YWHAZ: variants seen among roughly 807,000 people sequenced by gnomAD.
The protein encoded by YWHAZ is tyrosine 3-monooxygenase/tryptophan 5-monooxygenase activation protein zeta.
For synonymous variants in YWHAZ, 87 were observed against 103.6 expected, an observed-to-expected ratio of 0.84 and a Z score of 0.97; for missense variants, 79 against 284.8, an observed-to-expected ratio of 0.28 and a Z score of 5.20.
Position 100,918,442 on chromosome 8 carries a change from ATAAT to A in YWHAZ, c.*2247_*2250del, listed in dbSNP as rs1295386375. Reference sequence around the variant, plus strand: ...TATATATATATATATATATATATATATAATTATTTTACCTCCTTGGCTTGGGGGT... The same window carrying A: ...TATATATATATATATATATATATATATATTTTACCTCCTTGGCTTGGGGGT... On this transcript the variant is annotated 3_prime_UTR_variant, in exon 6 of 6. Coordinates refer to ENST00000395958, the MANE Select transcript of YWHAZ (RefSeq NM_145690.3). 8.6e-6 allele frequency: 1 copy of A among 115,922 alleles called. No homozygotes were observed. Among genetic ancestry groups the A allele is most frequent in the Non-Finnish European group, 1.8e-5 (1 of 56,648 alleles). 7.2% of individuals were successfully genotyped at this position (115,922 alleles called of 1,614,324 possible).
upstream of YWHAZ, chr8:100,952,195 C>A: frequency 3.1e-6 from 3 of 980,498 alleles, no homozygotes; most frequent in Non-Finnish European, 3.6e-6. Flanking sequence ...CCCCGGCGCT[C>A]GTCCTGCCCG....
At position 100,951,507 on chromosome 8, in the gene YWHAZ, G is replaced by A. The variant is rs1810779598; in HGVS notation, c.-12+422C>T. ...CCGCCGCCGAGTCATTATCTCGGGC[G>A]GAAGCGAGAAGGGCGGCGAGGGAGG... On this transcript the variant is annotated intron_variant, in intron 1 of 5. Transcript: ENST00000395958. 15 of 985,660 alleles carry A rather than the reference G, an allele frequency of 1.5e-5. No homozygotes were observed. The South Asian group carries it at 3.8e-4, about 25-fold the overall frequency. 61.1% of individuals were successfully genotyped at this position (985,660 alleles called of 1,614,324 possible). A position where few individuals can be genotyped will look rare whatever the true frequency, so the allele number is the denominator to read the frequency against.
chr8:100,947,096 A>G (rs943482946), intron 2 of YWHAZ, among the ~76,000 whole-genome samples: 2 of 151,456 alleles, frequency 1.3e-5, no homozygotes, highest in Non-Finnish European at 2.9e-5. Flanking sequence ...TACTAAAAAT[A>G]CAAAAAAATT....
chr8:100,920,691 G>A lies in YWHAZ; in HGVS notation c.*2C>T, dbSNP rs202185783. On this transcript the variant is annotated 3_prime_UTR_variant, in exon 6 of 6. Coordinates refer to ENST00000395958, the MANE Select transcript of YWHAZ (RefSeq NM_145690.3). ...TGAGGCAGACAAAAGTTGGAAGGCC[G>A]GTTAATTTTCCCCTCCTTCTCCTGC... 20 of 1,586,482 alleles carry A rather than the reference G, an allele frequency of 1.3e-5. No homozygotes were observed. Among genetic ancestry groups the A allele is most frequent in the East Asian group, 2.3e-5 (1 of 43,240 alleles).
chr8:100,951,441 A>T (rs1186956770), intron 1 of YWHAZ: 1 of 979,974 alleles, frequency 1.0e-6, no homozygotes, highest in African/African-American at 1.8e-5. Context: ...GGGAGAGGGG[A>T]GGGGGCGGCC....
chr8:100,923,867 G>C (rs1755587102), intron 5 of YWHAZ, 88 bp downstream of exon 5: 2 of 1,046,874 alleles, frequency 1.9e-6, no homozygotes, highest in Non-Finnish European at 2.7e-6. Flanking sequence ...AATTTTAAAA[G>C]ATGTATTTAA....
In YWHAZ at chr8:100,936,677, T is replaced by C. The variant is rs963672403; in HGVS notation, c.295-11638A>G. 2.6e-5 allele frequency among the ~76,000 whole-genome samples: 4 copies of C among 152,080 alleles called. No homozygotes were observed. The South Asian group carries it at 6.2e-4, about 24-fold the overall frequency. ...TTAGCCAGGCATGGTGGCGGGTGCC[T>C]GTAATTCCAGCTACTGGGGAGGCTG... On this transcript the variant is annotated intron_variant, in intron 2 of 5. Coordinates refer to ENST00000395958, the MANE Select transcript of YWHAZ (RefSeq NM_145690.3).
At chr8:100,933,180 G>C (rs187432720) in intron 2 of YWHAZ, among the ~76,000 whole-genome samples, 1 of 152,248 alleles carries the variant, frequency 6.6e-6, no homozygotes, top group Non-Finnish European at 1.5e-5. Context: ...CCAAGATGGT[G>C]AAAGCCTGTC....
intron 2 of YWHAZ, among the ~76,000 whole-genome samples, chr8:100,945,939 A>C (rs1481884597): frequency 1.3e-5 from 2 of 152,072 alleles, no homozygotes. Flanking sequence ...ACTAAGTCTT[A>C]CTCCTGAAAA....
At chr8:100,943,765 T>C (rs1810046837) in intron 2 of YWHAZ, among the ~76,000 whole-genome samples, 1 of 152,072 alleles carries the variant, frequency 6.6e-6, no homozygotes, top group Non-Finnish European at 1.5e-5. Context: ...GGCAGGTGGA[T>C]CACGAGGTCA....
chr8:100,950,664 G>C lies in YWHAZ; in HGVS notation c.-12+1265C>G, dbSNP rs940293746. On this transcript the variant is annotated intron_variant, in intron 1 of 5. Coordinates refer to ENST00000395958, the MANE Select transcript of YWHAZ (RefSeq NM_145690.3). ...GCGCCCCCGCCCAAGCCGTGGGGGGGGGGGAGAGATGGGGAGCGAAGCCGC... is the reference window on the plus strand; with the variant it reads ...GCGCCCCCGCCCAAGCCGTGGGGGGCGGGGAGAGATGGGGAGCGAAGCCGC... 47 of 909,298 alleles carry C rather than the reference G, an allele frequency of 5.2e-5. 3 individuals carry two copies. The highest frequency in any genetic ancestry group is 4.7e-4 in the East Asian group (4 of 8,442). 56.3% of individuals were successfully genotyped at this position (909,298 alleles called of 1,614,324 possible).
chr8:100,943,947 A>G (rs1015479355), intron 2 of YWHAZ, among the ~76,000 whole-genome samples: 6 of 142,308 alleles, frequency 4.2e-5, no homozygotes, highest in Non-Finnish European at 6.0e-5. Flanking sequence ...AGATCGTTCC[A>G]TTGCACTCCA....
chr8:100,951,721 C>A, intron 1 of YWHAZ: 1 of 985,428 alleles, frequency 1.0e-6, no homozygotes, highest in Non-Finnish European at 1.2e-6. Flanking sequence ...GATGCGGAAG[C>A]AAGGAGCCGG....
chr8:100,920,780 C>G, intron 5 of YWHAZ, 28 bp from the exon 6 acceptor site: 1 of 677,240 alleles, frequency 1.5e-6, no homozygotes, highest in East Asian at 5.8e-5. Flanking sequence ...GATTTTTCAG[C>G]AAGTTTCAGT....
At chr8:100,951,047 T>TC (rs1352687371) in intron 1 of YWHAZ, 8 of 74,736 alleles carry the variant, frequency 1.1e-4, no homozygotes, top group Non-Finnish European at 6.1e-5. Flanking sequence ...CGTCCACACC[T>TC]CCCCCGCCCG....
At chr8:100,950,691 C>T (rs1261088670) in intron 1 of YWHAZ, 7 of 781,768 alleles carry the variant, frequency 9.0e-6, no homozygotes, top group Non-Finnish European at 1.1e-5. Context: ...CGAAGCCGCC[C>T]GACCCCGGGG....
chr8:100,945,145 T>G (rs954339895), intron 2 of YWHAZ, among the ~76,000 whole-genome samples: 4 of 152,162 alleles, frequency 2.6e-5, no homozygotes, highest in Admixed American at 2.6e-4. Context: ...AGTTTGAAAT[T>G]AACACGTGGA....
intron 2 of YWHAZ, among the ~76,000 whole-genome samples, chr8:100,946,266 T>C (rs1248254129): frequency 6.6e-6 from 1 of 152,172 alleles, no homozygotes; most frequent in Non-Finnish European, 1.5e-5. Flanking sequence ...GGGCTGGACG[T>C]GGTGGCTCAC....
At chr8:100,933,514 G>A (rs968697997) in intron 2 of YWHAZ, among the ~76,000 whole-genome samples, 2 of 151,656 alleles carry the variant, frequency 1.3e-5, no homozygotes, top group South Asian at 2.1e-4. Flanking sequence ...TTTGCCAATC[G>A]TACCTCAATA....
Sources: gnomAD v4.1 joint callset for allele counts (sites outside exome capture counted in the v4.1 genomes callset) on GRCh38, gnomAD v4.1.1 for gene constraint, MANE v1.5 for transcripts, NCBI Gene and HGNC (gene_info 2026-07-23, HGNC 2026-07-21) for gene names.